Variants in NOMO3 observed in about 807,000 individuals in gnomAD.
NOMO3 encodes the protein BOS complex subunit NOMO3.
Under a neutral mutation model 69.9 loss-of-function variants are expected in NOMO3, and 15 were observed. That is an observed-to-expected ratio of 0.21 (90% confidence interval 0.14 to 0.33). The LOEUF (loss-of-function observed/expected upper bound fraction) is 0.33, where lower values mean the gene tolerates loss of function less well. Among genes scored for constraint, NOMO3 ranks in the 10% least tolerant of loss-of-function variants. The pLI is 1.00. For synonymous variants in NOMO3, 89 were observed against 301.9 expected (o/e 0.29, Z 7.31); for missense variants, 218 against 761.0 (o/e 0.29, Z 8.39).
At chr16:16,267,910 G>A (rs1267810971) in intron 16 of NOMO3, among the ~76,000 whole-genome samples, 1 of 129,438 alleles carries the variant, frequency 7.7e-6, no homozygotes, top group Non-Finnish European at 1.5e-5. Flanking sequence ...TGTGCCCGTT[G>A]ACAGTTAATC....
chr16:16,257,722 C>A (rs2049523351), intron 11 of NOMO3, among the ~76,000 whole-genome samples: 1 of 143,296 alleles, frequency 7.0e-6, no homozygotes, highest in Non-Finnish European at 1.5e-5. Flanking sequence ...CAGGGAGGTG[C>A]AGGGAGCTGG....
At chr16:16,238,264 ACTC>A (rs2049346087) in intron 2 of NOMO3, among the ~76,000 whole-genome samples, 1 of 131,530 alleles carries the variant, frequency 7.6e-6, no homozygotes, top group African/African-American at 3.3e-5. Context: ...ACAGAGTCTC[ACTC>A]TGTCAGCCAG....
Position 16,251,770 on chromosome 16 carries a change from G to A in NOMO3, c.736-193G>A, listed in dbSNP as rs2049464894. The stretch of plus-strand genomic sequence containing the variant: ...TCATGTCATCTTTCCCGGGAAGACT[G>A]TGCCAGTTTTTAACTTTGCAACTTG... On this transcript the variant is annotated intron_variant, in intron 7 of 30. Transcript: ENST00000399336. 4.0e-5 allele frequency: 19 copies of A among 479,868 alleles called. 2 individuals carry two copies. In the South Asian group the frequency reaches 5.1e-4, roughly 13 times the overall value. The allele number at this position is 479,868 out of a possible 1,614,324, so 29.7% of individuals were successfully genotyped here.
intron 15 of NOMO3, 141 bp downstream of exon 15, chr16:16,265,320 A>G: frequency 2.0e-6 from 3 of 1,523,256 alleles, no homozygotes; most frequent in Non-Finnish European, 2.6e-6. Context: ...CCTGTTACGC[A>G]ACGCATAATC....
Position 16,273,822 on chromosome 16 carries a change from GAAGA to G in NOMO3, c.2194_2197del (p.Arg732Ter). The G allele has an allele frequency of 9.2e-6, 4 of 435,838 alleles. 1 individual carries two copies. Among genetic ancestry groups the G allele is most frequent in the Non-Finnish European group, 1.3e-5 (4 of 312,062 alleles). 27.0% of individuals were successfully genotyped at this position (435,838 alleles called of 1,614,324 possible). A position where few individuals can be genotyped will look rare whatever the true frequency, so the allele number is the denominator to read the frequency against. On this transcript the variant is annotated frameshift_variant, in exon 19 of 31. Coordinates refer to ENST00000399336, the MANE Select transcript of NOMO3 (RefSeq NM_001004067.4). LOFTEE classifies it high-confidence loss of function. ...GGAGAAAAACGGCAATGAGGAAGGT[GAAGA>G]AAGAATGACCAAGCCTCCTGTGCAG...
Position 16,232,551 on chromosome 16 carries a change from G to T in NOMO3, c.-116G>T. 1 of 1,207,622 alleles carries T rather than the reference G, an allele frequency of 8.3e-7. No individual in the cohort carries two copies. The highest frequency in any genetic ancestry group is 1.0e-6 in the Non-Finnish European group (1 of 958,782). 74.8% of individuals were successfully genotyped at this position (1,207,622 alleles called of 1,614,324 possible). On this transcript the variant is annotated 5_prime_UTR_variant, in exon 1 of 31. Transcript: ENST00000399336. ...GTGCGCGGCGGCGGCTGGCGGCGGCGGTGGGGCGGGGCCTGGGCTGTCAGC... is the reference window on the plus strand; with the variant it reads ...GTGCGCGGCGGCGGCTGGCGGCGGCTGTGGGGCGGGGCCTGGGCTGTCAGC...
At chr16:16,261,242 G>A (rs2049562641) in intron 11 of NOMO3, 8 of 480,688 alleles carry the variant, frequency 1.7e-5, no homozygotes, top group South Asian at 5.2e-5. Flanking sequence ...GATGTCACCC[G>A]GAACACACAA....
At chr16:16,235,872 T>C (rs1355301127) in intron 1 of NOMO3, 8 of 441,442 alleles carry the variant, frequency 1.8e-5, no homozygotes, top group Non-Finnish European at 3.6e-5. Flanking sequence ...GATGTGAATC[T>C]GTACAACCAC....
chr16:16,274,139 TACAAGTAG>T, intron 20 of NOMO3, 64 bp downstream of exon 20: 1 of 961,564 alleles, frequency 1.0e-6, no homozygotes, highest in Non-Finnish European at 1.5e-6. Flanking sequence ...TGCCTGCATT[TACAAGTAG>T]ATTTGTGATG....
chr16:16,235,800 G>A (rs367928489), intron 1 of NOMO3: 11,038 of 436,846 alleles, frequency 0.025, 546 homozygotes, highest in African/African-American at 0.045. Context: ...GAGCCACCAT[G>A]CCTGGCCGCA....
intron 9 of NOMO3, among the ~76,000 whole-genome samples, chr16:16,254,168 G>A (rs2049489830): frequency 7.0e-6 from 1 of 142,536 alleles, no homozygotes. Context: ...TTGCAGAGAA[G>A]GATGGGGGCA....
chr16:16,234,125 C>CAGCG (rs1408334569), intron 1 of NOMO3, among the ~76,000 whole-genome samples: 1 of 152,078 alleles, frequency 6.6e-6, no homozygotes, highest in African/African-American at 2.4e-5. Context: ...TACCCACTGG[C>CAGCG]AGCGGCAGGG....
Position 16,236,498 on chromosome 16 carries a change from T to C in NOMO3, c.166-403T>C, listed in dbSNP as rs2049328243. Among the ~76,000 whole-genome samples the C allele has an allele frequency of 1.4e-5, 2 of 144,192 alleles. 1 individual carries two copies. Among genetic ancestry groups the C allele is most frequent in the African/African-American group, 5.6e-5 (2 of 35,706 alleles). The allele number at this position is 144,192 out of a possible 152,430, so 94.6% of individuals were successfully genotyped here. On this transcript the variant is annotated intron_variant, in intron 1 of 30. Transcript: ENST00000399336. ...CCTGACCTTAAGTGATCTGCCCACC[T>C]CACCCTCCTGAAGTGCTGGGAGTAC...
intron 13 of NOMO3, 123 bp from the exon 14 acceptor site, chr16:16,263,390 C>T (rs2049581338): frequency 1.3e-6 from 2 of 1,550,372 alleles, no homozygotes; most frequent in Middle Eastern, 2.4e-4. Context: ...GCTCCGTCTG[C>T]CTCCGGCCAC....
chr16:16,255,773 C>T lies in NOMO3; in HGVS notation c.1017C>T (p.Pro339=), dbSNP rs531354577. The T allele has an allele frequency of 3.6e-4, 571 of 1,575,696 alleles. 18 individuals carry two copies. Among genetic ancestry groups the T allele is most frequent in the South Asian group, 6.9e-4 (61 of 88,360 alleles). Residue 339 remains proline (P), a synonymous_variant, in exon 10 of 31, where the codon CCC becomes CCT. Transcript: ENST00000399336. ...TCACCGGGAGGGTCTTGAACGGACC[C>T]GAAGGAGATGGTGTTCCAGAAGCAG... ...FSVTGRVLNG[P]EGDGVPEAVV...
intron 2 of NOMO3, among the ~76,000 whole-genome samples, chr16:16,238,631 A>C (rs1424557783): frequency 7.0e-6 from 1 of 143,006 alleles, no homozygotes; most frequent in Non-Finnish European, 1.5e-5. Flanking sequence ...CCCCAATTTT[A>C]AAATAATAGT....
chr16:16,258,143 C>A (rs570098208), intron 11 of NOMO3, among the ~76,000 whole-genome samples: 1 of 142,492 alleles, frequency 7.0e-6, no homozygotes, highest in South Asian at 2.2e-4. Context: ...TGGCAAAACA[C>A]CATCTCTACC....
At chr16:16,267,367 T>C in intron 16 of NOMO3, 1 of 478,742 alleles carries the variant, frequency 2.1e-6, no homozygotes, top group Non-Finnish European at 3.6e-6. Flanking sequence ...TAGAGCTGTT[T>C]TAAAATTTGA....
intron 16 of NOMO3, among the ~76,000 whole-genome samples, chr16:16,267,601 A>G (rs953734267): frequency 2.9e-5 from 4 of 138,412 alleles, no homozygotes; most frequent in Non-Finnish European, 6.0e-5. Context: ...CATCCGGCTA[A>G]TTTTTGTATT....
Sources: allele counts gnomAD v4.1 joint callset (sites outside exome capture counted in the v4.1 genomes callset), GRCh38; gene constraint gnomAD v4.1.1; transcripts MANE v1.5; gene names NCBI Gene and HGNC (gene_info 2026-07-23, HGNC 2026-07-21).